Variants in PPP3CC observed in about 807,000 individuals in gnomAD.
PPP3CC encodes protein phosphatase 3 catalytic subunit gamma.
A neutral mutation model predicts 60.3 loss-of-function variants in PPP3CC; 35 were observed. The observed-to-expected ratio is 0.58, with a 90% CI of 0.44 to 0.77. The LOEUF is 0.77. PPP3CC is among the 30% of genes least tolerant of loss of function. PPP3CC has a pLI of 0.00. For synonymous variants in PPP3CC, 206 were observed against 224.3 expected (o/e 0.92, Z 0.73); for missense variants, 570 against 628.9 (o/e 0.91, Z 1.00).
intron 3 of PPP3CC, among the ~76,000 whole-genome samples, chr8:22,490,150 T>C (rs917611354): frequency 1.3e-5 from 2 of 152,150 alleles, no homozygotes; most frequent in African/African-American, 4.8e-5. Context: ...AATTTTTTAA[T>C]GTATAGAGCT....
intron 6 of PPP3CC, among the ~76,000 whole-genome samples, chr8:22,513,875 T>C (rs1477245079): frequency 1.3e-5 from 2 of 152,222 alleles, no homozygotes; most frequent in Non-Finnish European, 2.9e-5. Flanking sequence ...CATTGTGAAC[T>C]AAGCCCAGTA....
chr8:22,476,819 C>T (rs1837901717), intron 3 of PPP3CC, among the ~76,000 whole-genome samples: 1 of 151,604 alleles, frequency 6.6e-6, no homozygotes, highest in Non-Finnish European at 1.5e-5. Flanking sequence ...GTAGTCCCAG[C>T]TACTTGGGAG....
intron 2 of PPP3CC, 70 bp from the exon 3 acceptor site, chr8:22,475,430 C>G: frequency 6.8e-7 from 1 of 1,470,502 alleles, no homozygotes; most frequent in Non-Finnish European, 9.2e-7. Context: ...AAACTGTGAT[C>G]CCTTTTGGTG....
intron 1 of PPP3CC, among the ~76,000 whole-genome samples, chr8:22,442,935 T>A (rs1836716611): frequency 6.6e-6 from 1 of 152,206 alleles, no homozygotes; most frequent in Non-Finnish European, 1.5e-5. Context: ...AGTTTCTCTC[T>A]CCAGTACTGT....
intron 1 of PPP3CC, among the ~76,000 whole-genome samples, chr8:22,474,658 C>T (rs1372164380): frequency 2.6e-5 from 4 of 152,068 alleles, no homozygotes; most frequent in African/African-American, 9.7e-5. Flanking sequence ...GAGCTGAGAT[C>T]GTGTCACTGC....
chr8:22,444,910 A>C (rs1220858564), intron 1 of PPP3CC, among the ~76,000 whole-genome samples: 1 of 152,028 alleles, frequency 6.6e-6, no homozygotes, highest in Non-Finnish European at 1.5e-5. Flanking sequence ...TTTTTCTTTG[A>C]CAGTGATTTT....
At chr8:22,509,911 C>T (rs994837477) in intron 4 of PPP3CC, among the ~76,000 whole-genome samples, 3 of 152,092 alleles carry the variant, frequency 2.0e-5, no homozygotes, top group East Asian at 1.9e-4. Context: ...CTTGGCCAGG[C>T]GCAGTGGCTC....
At chr8:22,495,897 ATTTTATTGCCTCTGGAT>A (rs1315360581) in intron 3 of PPP3CC, among the ~76,000 whole-genome samples, 1 of 151,996 alleles carries the variant, frequency 6.6e-6, no homozygotes, top group Non-Finnish European at 1.5e-5. Context: ...CCCATCTTTT[ATTTTATTGCCTCTGGAT>A]TTTTAGTCAT....
intron 10 of PPP3CC, among the ~76,000 whole-genome samples, chr8:22,529,791 T>C (rs1315631964): frequency 6.6e-6 from 1 of 152,178 alleles, no homozygotes; most frequent in African/African-American, 2.4e-5. Context: ...CAGCCCCATT[T>C]TGATTTTTTT....
At chr8:22,489,789 T>A (rs1387759607) in intron 3 of PPP3CC, among the ~76,000 whole-genome samples, 1 of 144,360 alleles carries the variant, frequency 6.9e-6, no homozygotes, top group Non-Finnish European at 1.5e-5. Flanking sequence ...ATATAGTAAG[T>A]ATATATTATA....
intron 1 of PPP3CC, among the ~76,000 whole-genome samples, chr8:22,450,858 C>T (rs974738711): frequency 6.8e-5 from 10 of 146,290 alleles, no homozygotes; most frequent in African/African-American, 2.3e-4. Context: ...TTTATTGAGA[C>T]GGAGTCTCGC....
intron 4 of PPP3CC, among the ~76,000 whole-genome samples, chr8:22,506,052 C>T (rs1439412543): frequency 1.3e-5 from 2 of 151,866 alleles, no homozygotes; most frequent in Non-Finnish European, 2.9e-5. Context: ...TGATCCTCTC[C>T]CTCCTCCTAC....
At chr8:22,523,471 A>G (rs1198480879) in intron 8 of PPP3CC, among the ~76,000 whole-genome samples, 1 of 152,342 alleles carries the variant, frequency 6.6e-6, no homozygotes, top group East Asian at 1.9e-4. Flanking sequence ...TGTTGTTTAT[A>G]AAGTATGACT....
At chr8:22,467,155 T>C (rs751019637) in intron 1 of PPP3CC, among the ~76,000 whole-genome samples, 23 of 152,146 alleles carry the variant, frequency 1.5e-4, no homozygotes, top group Non-Finnish European at 3.1e-4. Flanking sequence ...TGTTAATAAA[T>C]TATGATCTAA....
chr8:22,447,499 A>G (rs1836866869), intron 1 of PPP3CC, among the ~76,000 whole-genome samples: 1 of 151,480 alleles, frequency 6.6e-6, no homozygotes, highest in African/African-American at 2.4e-5. Context: ...GGTATTTTTT[A>G]TAGAGGTGGA....
chr8:22,446,587 G>C (rs1836827975), intron 1 of PPP3CC, among the ~76,000 whole-genome samples: 1 of 152,118 alleles, frequency 6.6e-6, no homozygotes, highest in East Asian at 1.9e-4. Context: ...ACTTTGGGAA[G>C]CCGAGGTGGG....
chr8:22,455,048 T>C (rs1586788604), intron 1 of PPP3CC, among the ~76,000 whole-genome samples: 1 of 99,722 alleles, frequency 1.0e-5, no homozygotes, highest in African/African-American at 4.7e-5. Context: ...AGAGTGAGAC[T>C]CCATCTCAAA....
intron 11 of PPP3CC, among the ~76,000 whole-genome samples, chr8:22,532,654 G>A (rs1839747548): frequency 1.3e-5 from 2 of 152,180 alleles, no homozygotes; most frequent in African/African-American, 4.8e-5. Flanking sequence ...CGCACAGGTT[G>A]TTAGGTGTAT....
intron 6 of PPP3CC, among the ~76,000 whole-genome samples, chr8:22,519,819 TA>T (rs1372196348): frequency 1.3e-5 from 2 of 152,132 alleles, no homozygotes; most frequent in Non-Finnish European, 2.9e-5. Flanking sequence ...CACACCTGGC[TA>T]ATTTTTTATA....
Sources: allele counts gnomAD v4.1 joint callset (sites outside exome capture counted in the v4.1 genomes callset), GRCh38; gene constraint gnomAD v4.1.1; transcripts MANE v1.5; gene names NCBI Gene and HGNC (gene_info 2026-07-23, HGNC 2026-07-21).